MYO1H: variants seen among roughly 807,000 people sequenced by gnomAD.
The protein encoded by MYO1H is myosin IH.
Under a neutral mutation model 149.3 loss-of-function variants are expected in MYO1H, and 118 were observed. The ratio of observed to expected loss-of-function variants is 0.79; its 90% CI spans 0.68 to 0.92. The LOEUF is 0.92. Ranked by LOEUF, MYO1H falls within the 40% of genes least tolerant of loss-of-function variation. The pLI is 0.00. For missense variants in MYO1H, 1,212 were observed against 1,280.7 expected (o/e 0.95, Z 0.82); for synonymous variants, 447 against 465.2 (o/e 0.96, Z 0.50).
At chr12:109,314,092 C>T in the MYO1H span, among the ~76,000 whole-genome samples, 1 of 152,014 alleles carries the variant, frequency 6.6e-6, no homozygotes, top group Non-Finnish European at 1.5e-5. Context: ...ACCATATTGC[C>T]TAGACTGGTC....
At chr12:109,358,708 C>G (rs1868663253) in intron 1 of MYO1H, among the ~76,000 whole-genome samples, 1 of 151,838 alleles carries the variant, frequency 6.6e-6, no homozygotes, top group Non-Finnish European at 1.5e-5. Context: ...CTGCAGTATG[C>G]AGAGTAAAAG....
chr12:109,424,796 GC>G lies in MYO1H; in HGVS notation c.1695del (p.Glu566SerfsTer2), dbSNP rs1354343680. ...TATCCTGAGGGAATGCTTCCTGCTGGCCGAGTTAGAAAACCGGAGGAGGCCC... is the reference window on the plus strand; with the variant it reads ...TATCCTGAGGGAATGCTTCCTGCTGGCGAGTTAGAAAACCGGAGGAGGCCC... On this transcript the variant is annotated frameshift_variant, in exon 17 of 32. Transcript: ENST00000310903. LOFTEE classifies it high-confidence loss of function. The G allele has an allele frequency of 1.2e-6, 2 of 1,613,808 alleles. No homozygotes were observed. Among genetic ancestry groups the G allele is most frequent in the Non-Finnish European group, 1.7e-6 (2 of 1,179,872 alleles).
intron 31 of MYO1H, chr12:109,446,372 T>C: frequency 1.0e-6 from 1 of 985,454 alleles, no homozygotes; most frequent in South Asian, 4.7e-5. Flanking sequence ...AAATGTATCT[T>C]GTATTATAGG....
At chr12:109,382,421 A>G (rs534817101) in intron 1 of MYO1H, among the ~76,000 whole-genome samples, 1 of 152,332 alleles carries the variant, frequency 6.6e-6, no homozygotes, top group Non-Finnish European at 1.5e-5. Flanking sequence ...CTATAGAACA[A>G]AAGAGACTTG....
chr12:109,332,411 C>T, the MYO1H span, among the ~76,000 whole-genome samples: 1 of 152,146 alleles, frequency 6.6e-6, no homozygotes, highest in Non-Finnish European at 1.5e-5. Flanking sequence ...TGCCTTCAGA[C>T]ACAAGCTCTT....
chr12:109,352,788 C>T (rs962666207), intron 1 of MYO1H, among the ~76,000 whole-genome samples: 5 of 152,100 alleles, frequency 3.3e-5, no homozygotes, highest in Non-Finnish European at 4.4e-5. Context: ...GCATACTTCC[C>T]CTAAATGCTT....
intron 1 of MYO1H, among the ~76,000 whole-genome samples, chr12:109,387,483 C>T (rs1483115818): frequency 1.3e-5 from 2 of 152,218 alleles, no homozygotes; most frequent in African/African-American, 4.8e-5. Flanking sequence ...TCATTACCTG[C>T]TGAGCAATAA....
At chr12:109,415,660 C>G in intron 15 of MYO1H, 40 bp downstream of exon 15, 1 of 1,428,818 alleles carries the variant, frequency 7.0e-7, no homozygotes, top group Non-Finnish European at 9.5e-7. Flanking sequence ...CATGTATGTG[C>G]CCAGCCTGGT....
intron 1 of MYO1H, among the ~76,000 whole-genome samples, chr12:109,385,648 C>T (rs920631755): frequency 1.3e-5 from 2 of 152,132 alleles, no homozygotes; most frequent in African/African-American, 4.8e-5. Flanking sequence ...TGTTAGGTTG[C>T]TAGTGATTAA....
chr12:109,381,494 T>C (rs1029743527), intron 1 of MYO1H, among the ~76,000 whole-genome samples: 4 of 152,162 alleles, frequency 2.6e-5, no homozygotes, highest in African/African-American at 4.8e-5. Flanking sequence ...AAATTTGGGA[T>C]AAATTGGGCA....
intron 3 of MYO1H, 97 bp from the exon 4 acceptor site, chr12:109,396,287 C>T: frequency 1.0e-6 from 1 of 999,772 alleles, no homozygotes; most frequent in East Asian, 2.6e-5. Flanking sequence ...ATGTGGCTTC[C>T]TGGAGATGGA....
At chr12:109,336,180 T>C in the MYO1H span, among the ~76,000 whole-genome samples, 1 of 152,122 alleles carries the variant, frequency 6.6e-6, no homozygotes, top group African/African-American at 2.4e-5. Flanking sequence ...CTTGATGTTG[T>C]CTCTCAGGTC....
chr12:109,427,133 C>T (rs371000831), intron 18 of MYO1H, among the ~76,000 whole-genome samples: 6 of 151,648 alleles, frequency 4.0e-5, no homozygotes, highest in African/African-American at 9.7e-5. Flanking sequence ...CTGGCCAACA[C>T]GGTGAAACCA....
intron 17 of MYO1H, 118 bp from the exon 18 acceptor site, chr12:109,425,828 G>A (rs1200516644): frequency 4.0e-6 from 3 of 742,276 alleles, no homozygotes; most frequent in African/African-American, 3.5e-5. Flanking sequence ...AAGACAATCT[G>A]TCAATAGTTC....
At chr12:109,342,821 G>A in the MYO1H span, among the ~76,000 whole-genome samples, 5 of 152,020 alleles carry the variant, frequency 3.3e-5, no homozygotes, top group African/African-American at 1.2e-4. Context: ...GAGATTATAG[G>A]TGTGAGCCAC....
At chr12:109,374,723 G>A (rs1260892213) in intron 1 of MYO1H, among the ~76,000 whole-genome samples, 1 of 152,122 alleles carries the variant, frequency 6.6e-6, no homozygotes, top group African/African-American at 2.4e-5. Context: ...CATCCATATA[G>A]TATAAGAGTT....
chr12:109,406,467 TAAAAAAAAAAAAAAAAA>T (rs56744077), intron 8 of MYO1H, among the ~76,000 whole-genome samples: 10 of 43,604 alleles, frequency 2.3e-4, no homozygotes, highest in East Asian at 8.0e-4. Context: ...CCCTATCTCT[TAAAAAAAAAAAAAAAAA>T]AAAAAAAAAA....
At chr12:109,443,028 A>G (rs76988979) in intron 27 of MYO1H, among the ~76,000 whole-genome samples, 17,614 of 81,798 alleles carry the variant, frequency 0.22, 5,386 homozygotes, top group African/African-American at 0.54. Flanking sequence ...ATATATATAT[A>G]TGTGTGTGTG....
exon 23 of MYO1H, chr12:109,438,578 A>C: frequency 6.2e-7 from 1 of 1,613,494 alleles, no homozygotes; most frequent in Non-Finnish European, 8.5e-7. Flanking sequence ...CTGGCTCGGA[A>C]GGCAATCCAA....
Sources: allele counts gnomAD v4.1 joint callset (sites outside exome capture counted in the v4.1 genomes callset), GRCh38; gene constraint gnomAD v4.1.1; transcripts MANE v1.5; gene names NCBI Gene and HGNC (gene_info 2026-07-23, HGNC 2026-07-21).